Variants in ADGRV1 observed in about 807,000 individuals in gnomAD.
ADGRV1 encodes adhesion G protein-coupled receptor V1.
ADGRV1 carries 359 observed loss-of-function variants against 596.2 expected under a neutral mutation model. The observed-to-expected ratio is 0.60, with a 90% confidence interval of 0.55 to 0.66. ADGRV1 has a LOEUF of 0.66. Ranked by LOEUF, ADGRV1 falls within the 30% of genes least tolerant of loss-of-function variation. The probability of loss-of-function intolerance (pLI) is 0.00; values close to 1 mark genes in which losing one functional copy is unlikely to be tolerated. For missense variants in ADGRV1, 7,274 were observed against 7,575.6 expected (o/e 0.96, Z 1.48); for synonymous variants, 2,681 against 2,679.2 (o/e 1.00, Z -0.02).
chr5:90,573,347 G>A (rs1408110129), intron 1 of ADGRV1, among the ~76,000 whole-genome samples: 1 of 152,134 alleles, frequency 6.6e-6, no homozygotes, highest in African/African-American at 2.4e-5. Context: ...TCTGAGAAAT[G>A]TGTTTTTAGG....
chr5:91,042,969 T>G (rs7736334), intron 85 of ADGRV1, among the ~76,000 whole-genome samples: 151,931 of 152,132 alleles, frequency 1, 75,869 homozygotes, highest in Middle Eastern at 1. Flanking sequence ...ACAAGCTATA[T>G]TTCGAGCCAG....
intron 31 of ADGRV1, among the ~76,000 whole-genome samples, chr5:90,692,263 T>G (rs2149629584): frequency 6.6e-6 from 1 of 152,252 alleles, no homozygotes; most frequent in East Asian, 1.9e-4. Context: ...ATTTCAGATT[T>G]TTTTTAAAAA....
At chr5:91,092,135 C>T (rs954455760) in intron 86 of ADGRV1, among the ~76,000 whole-genome samples, 1 of 152,142 alleles carries the variant, frequency 6.6e-6, no homozygotes, top group African/African-American at 2.4e-5. Context: ...AAGTCTTGCT[C>T]TGTCACCCAG....
At chr5:90,765,940 T>A (rs545797855) in intron 59 of ADGRV1, among the ~76,000 whole-genome samples, 1 of 151,840 alleles carries the variant, frequency 6.6e-6, no homozygotes, top group East Asian at 1.9e-4. Flanking sequence ...GACAGAGTCT[T>A]GCTCTGTCAC....
Position 91,093,851 on chromosome 5 carries a change from GTTT to G in ADGRV1, c.18311-8352_18311-8350del, listed in dbSNP as rs376638151. ...GTGTATCACGTGTATACATACGTAA[GTTT>G]TTTTTTTTTTTTTTTGAGATAGAGT... On this transcript the variant is annotated intron_variant, in intron 86 of 89. Transcript: ENST00000405460. Among the ~76,000 whole-genome samples, 675 of 132,256 alleles carry G rather than the reference GTTT, an allele frequency of 5.1e-3. 5 individuals are homozygous for G. The highest frequency in any genetic ancestry group is 0.019 in the African/African-American group (645 of 33,240). The allele number at this position is 132,256 out of a possible 152,430, so 86.8% of individuals were successfully genotyped here. A position where few individuals can be genotyped will look rare whatever the true frequency, so the allele number is the denominator to read the frequency against.
chr5:90,588,210 G>A (rs930437185), intron 1 of ADGRV1, among the ~76,000 whole-genome samples: 5 of 152,148 alleles, frequency 3.3e-5, no homozygotes, highest in Non-Finnish European at 5.9e-5. Context: ...AGAAACGTTG[G>A]TGACTTAAAA....
At chr5:91,126,914 A>G (rs978158859) in intron 87 of ADGRV1, among the ~76,000 whole-genome samples, 16 of 152,130 alleles carry the variant, frequency 1.1e-4, no homozygotes, top group African/African-American at 3.6e-4. Context: ...CCCATATTAT[A>G]AAGTTTTTGA....
At chr5:90,648,419 C>A (rs1337010785) in intron 17 of ADGRV1, among the ~76,000 whole-genome samples, 1 of 151,766 alleles carries the variant, frequency 6.6e-6, no homozygotes, top group Non-Finnish European at 1.5e-5. Flanking sequence ...TTTCCTTGAA[C>A]CTTTTGAGAG....
chr5:90,574,507 A>C (rs1756953967), intron 1 of ADGRV1, among the ~76,000 whole-genome samples: 1 of 152,096 alleles, frequency 6.6e-6, no homozygotes. Context: ...TTGTATCCTG[A>C]AAGTTTACTA....
Position 90,644,000 on chromosome 5 carries a change from CTTATA to C in ADGRV1, c.2734+20_2734+24del. On this transcript the variant is annotated intron_variant, in intron 14 of 89. Transcript: ENST00000405460. ...TCTATAGTGGTAATTTATTCTGTGT[CTTATA>C]TTGTATTTCTGTTTACTGAAGAAGA... 1 of 1,468,552 alleles carries C rather than the reference CTTATA, an allele frequency of 6.8e-7. No homozygotes were observed. The highest frequency in any genetic ancestry group is 9.2e-7 in the Non-Finnish European group (1 of 1,084,016). 91.0% of individuals were successfully genotyped at this position (1,468,552 alleles called of 1,614,324 possible).
intron 83 of ADGRV1, 140 bp from the exon 84 acceptor site, chr5:90,965,275 A>C: frequency 1.6e-6 from 1 of 616,176 alleles, no homozygotes; most frequent in South Asian, 1.8e-5. Context: ...ACTCTTAGTC[A>C]TATCAGTTTG....
intron 50 of ADGRV1, among the ~76,000 whole-genome samples, chr5:90,731,348 G>A (rs1329384164): frequency 2.0e-5 from 3 of 152,126 alleles, no homozygotes; most frequent in East Asian, 3.9e-4. Context: ...CGGGAAATCC[G>A]CCTCTATGAT....
intron 58 of ADGRV1, among the ~76,000 whole-genome samples, chr5:90,762,128 AC>A (rs1403235320): frequency 6.6e-6 from 1 of 152,198 alleles, no homozygotes; most frequent in Non-Finnish European, 1.5e-5. Context: ...ATGGAAATCT[AC>A]TTGTGAAACC....
intron 16 of ADGRV1, among the ~76,000 whole-genome samples, chr5:90,646,360 G>A (rs1283912481): frequency 1.3e-5 from 2 of 151,246 alleles, no homozygotes; most frequent in African/African-American, 4.9e-5. Context: ...AAGAAAATAA[G>A]TACTGTTTTA....
intron 75 of ADGRV1, among the ~76,000 whole-genome samples, chr5:90,819,988 G>A (rs1402854283): frequency 2.8e-4 from 42 of 150,080 alleles, no homozygotes; most frequent in East Asian, 7.9e-4. Context: ...TTTCTGTCTC[G>A]TTGATCTGTC....
chr5:91,104,890 C>T (rs1239813465), intron 87 of ADGRV1, among the ~76,000 whole-genome samples: 4 of 129,446 alleles, frequency 3.1e-5, no homozygotes, highest in African/African-American at 8.5e-5. Context: ...GACAGAGTCT[C>T]ACTCTGTCAC....
intron 39 of ADGRV1, 59 bp from the exon 40 acceptor site, chr5:90,710,922 A>G (rs1749251268): frequency 9.9e-7 from 1 of 1,008,816 alleles, no homozygotes; most frequent in Non-Finnish European, 1.5e-6. Context: ...TAAATCCTAT[A>G]TCAAAAATAT....
At position 90,721,532 on chromosome 5, in the gene ADGRV1, A is replaced by AAATAAAATAAAATAAAAT. The variant is rs1561595001; in HGVS notation, c.9748+475_9748+476insTAAAATAAAATAAAATAA. ...AATAAAATAAAATAAAATAAAAATA[A>AAATAAAATAAAATAAAAT]AAATAAAATAAAATAAAATAAAATA... On this transcript the variant is annotated intron_variant, in intron 45 of 89. Transcript: ENST00000405460. 2.4e-3 allele frequency among the ~76,000 whole-genome samples: 16 copies of AAATAAAATAAAATAAAAT among 6,562 alleles called. No individual in the cohort carries two copies. The African/African-American group carries it at 0.029, about 12-fold the overall frequency. The allele number at this position is 6,562 out of a possible 152,430, so 4.3% of individuals were successfully genotyped here.
At chr5:91,064,372 A>G (rs114722486) in intron 85 of ADGRV1, among the ~76,000 whole-genome samples, 1,749 of 152,260 alleles carry the variant, frequency 0.011, 37 homozygotes, top group African/African-American at 0.041. Flanking sequence ...TTTAGGTGTT[A>G]TTTTCCCCAT....
Sources: gnomAD v4.1 joint callset for allele counts (sites outside exome capture counted in the v4.1 genomes callset) on GRCh38, gnomAD v4.1.1 for gene constraint, MANE v1.5 for transcripts, NCBI Gene and HGNC (gene_info 2026-07-23, HGNC 2026-07-21) for gene names.